Variants in FMN2 observed in about 807,000 individuals in gnomAD.
FMN2 encodes the protein formin 2.
Under a neutral mutation model 142.3 loss-of-function variants are expected in FMN2, and 51 were observed. The observed-to-expected ratio is 0.36, with a 90% CI of 0.29 to 0.45. FMN2 has a LOEUF of 0.45. Among genes scored for constraint, FMN2 ranks in the 20% least tolerant of loss-of-function variants. The pLI, the probability that FMN2 is intolerant of heterozygous loss-of-function variation, is 1.00. For missense variants in FMN2, 1,936 were observed against 2,122.8 expected, an observed-to-expected ratio of 0.91 and a Z score of 1.73; for synonymous variants, 882 against 869.8, an observed-to-expected ratio of 1.01 and a Z score of -0.25.
chr1:240,370,766 C>T (rs1013361465), intron 14 of FMN2, among the ~76,000 whole-genome samples: 25 of 152,208 alleles, frequency 1.6e-4, no homozygotes, highest in African/African-American at 5.8e-4. Context: ...TCCTCATCAC[C>T]GCCATTCTGT....
At chr1:240,440,019 A>G (rs903122808) in intron 16 of FMN2, among the ~76,000 whole-genome samples, 1 of 152,306 alleles carries the variant, frequency 6.6e-6, no homozygotes, top group Admixed American at 6.5e-5. Flanking sequence ...GTCTAGGATT[A>G]GAGTCCTCAA....
At chr1:240,409,404 A>G (rs1674322322) in intron 15 of FMN2, among the ~76,000 whole-genome samples, 1 of 152,142 alleles carries the variant, frequency 6.6e-6, no homozygotes, top group African/African-American at 2.4e-5. Context: ...TCAGCCTCCC[A>G]AAGTGCAGGG....
chr1:240,337,023 C>T (rs944923154), intron 13 of FMN2, among the ~76,000 whole-genome samples: 1 of 151,836 alleles, frequency 6.6e-6, no homozygotes. Context: ...TTCGTATCAA[C>T]AACGCATGAA....
At chr1:240,117,646 G>A (rs958853327) in intron 1 of FMN2, among the ~76,000 whole-genome samples, 3 of 152,242 alleles carry the variant, frequency 2.0e-5, no homozygotes, top group Non-Finnish European at 4.4e-5. Flanking sequence ...ATGCTGGATG[G>A]AGCAGTAGAA....
intron 8 of FMN2, among the ~76,000 whole-genome samples, chr1:240,312,391 C>T (rs187209378): frequency 6.6e-6 from 1 of 152,292 alleles, no homozygotes; most frequent in African/African-American, 2.4e-5. Context: ...ATTTCAGGCT[C>T]ATACAGCAAC....
Position 240,465,330 on chromosome 1 carries a change from CTGTGTGTGTGTGTGTGTGTGTG to C in FMN2, c.5061-7006_5061-6985del, listed in dbSNP as rs58873062. Among the ~76,000 whole-genome samples the C allele has an allele frequency of 7.4e-3, 980 of 131,624 alleles. 11 individuals carry two copies. Among genetic ancestry groups the C allele is most frequent in the African/African-American group, 0.024 (837 of 34,908 alleles). 86.4% of individuals were successfully genotyped at this position (131,624 alleles called of 152,430 possible). A position where few individuals can be genotyped will look rare whatever the true frequency, so the allele number is the denominator to read the frequency against. ...CACACTCCCTACCTTATGCCTCCCT[CTGTGTGTGTGTGTGTGTGTGTG>C]TGTGTGTGTGTGTGTGTGTGTGTGT... On this transcript the variant is annotated intron_variant, in intron 16 of 17. Coordinates refer to ENST00000319653, the MANE Select transcript of FMN2 (RefSeq NM_020066.5).
chr1:240,203,934 G>A (rs1406953883), intron 4 of FMN2, among the ~76,000 whole-genome samples: 2 of 152,080 alleles, frequency 1.3e-5, no homozygotes, highest in African/African-American at 4.8e-5. Flanking sequence ...TACAAACTGT[G>A]CATTACAAAT....
intron 16 of FMN2, among the ~76,000 whole-genome samples, chr1:240,447,193 G>A (rs935340923): frequency 5.9e-5 from 9 of 152,156 alleles, no homozygotes; most frequent in African/African-American, 2.2e-4. Flanking sequence ...AGAAGCAGCT[G>A]TAATGAGACG....
At chr1:240,214,115 C>T (rs1666795187) in intron 6 of FMN2, among the ~76,000 whole-genome samples, 1 of 152,112 alleles carries the variant, frequency 6.6e-6, no homozygotes, top group Non-Finnish European at 1.5e-5. Flanking sequence ...AAGCATTACA[C>T]AAAAGATTAG....
At chr1:240,357,615 T>TG (rs1672316977) in intron 14 of FMN2, among the ~76,000 whole-genome samples, 4 of 151,590 alleles carry the variant, frequency 2.6e-5, no homozygotes, top group Non-Finnish European at 4.4e-5. Context: ...TACGGGTTTT[T>TG]TTTTTTTTTT....
chr1:240,315,276 G>C (rs893168699), intron 8 of FMN2, among the ~76,000 whole-genome samples: 1 of 152,122 alleles, frequency 6.6e-6, no homozygotes, highest in Non-Finnish European at 1.5e-5. Context: ...TAAAAACCTT[G>C]GTTATGACTA....
chr1:240,387,134 C>A (rs185468663), intron 14 of FMN2, among the ~76,000 whole-genome samples: 1 of 152,174 alleles, frequency 6.6e-6, no homozygotes, highest in East Asian at 1.9e-4. Context: ...TCATTATAAA[C>A]CACTTTTCAT....
At chr1:240,215,709 T>A (rs745367542) in intron 6 of FMN2, among the ~76,000 whole-genome samples, 1 of 152,116 alleles carries the variant, frequency 6.6e-6, no homozygotes, top group Non-Finnish European at 1.5e-5. Flanking sequence ...TTTAGCAGAT[T>A]TCTTTCTTTC....
At chr1:240,468,230 G>A (rs1052034202) in intron 16 of FMN2, among the ~76,000 whole-genome samples, 2 of 107,638 alleles carry the variant, frequency 1.9e-5, no homozygotes, top group African/African-American at 9.4e-5. Context: ...GTGTGTGTGT[G>A]TGTATTCACA....
chr1:240,447,253 G>C (rs1002300340), intron 16 of FMN2, among the ~76,000 whole-genome samples: 5 of 152,184 alleles, frequency 3.3e-5, no homozygotes, highest in Non-Finnish European at 7.3e-5. Flanking sequence ...TGCTGGGTCT[G>C]TGTGTGTTGG....
At chr1:240,156,232 A>G (rs1415507182) in intron 2 of FMN2, among the ~76,000 whole-genome samples, 1 of 152,204 alleles carries the variant, frequency 6.6e-6, no homozygotes, top group Non-Finnish European at 1.5e-5. Flanking sequence ...CCTGAGCAAC[A>G]GAGTAAGACC....
At chr1:240,238,740 T>A (rs561473182) in intron 6 of FMN2, among the ~76,000 whole-genome samples, 4 of 152,312 alleles carry the variant, frequency 2.6e-5, no homozygotes, top group Admixed American at 2.6e-4. Context: ...CCAGTAGTCA[T>A]AGGAGTAGCA....
intron 8 of FMN2, among the ~76,000 whole-genome samples, chr1:240,300,356 A>C (rs529374890): frequency 1.4e-3 from 206 of 152,326 alleles, no homozygotes; most frequent in African/African-American, 4.9e-3. Context: ...ACGTTTAGGC[A>C]ACATGTGATG....
intron 2 of FMN2, among the ~76,000 whole-genome samples, chr1:240,176,595 T>C (rs1437883635): frequency 6.6e-6 from 1 of 152,254 alleles, no homozygotes. Flanking sequence ...GTACTCAATC[T>C]ACTTACATTG....
Sources: gnomAD v4.1 joint callset for allele counts (sites outside exome capture counted in the v4.1 genomes callset) on GRCh38, gnomAD v4.1.1 for gene constraint, MANE v1.5 for transcripts, NCBI Gene and HGNC (gene_info 2026-07-23, HGNC 2026-07-21) for gene names.